Variants in RANBP2 observed in about 807,000 individuals in gnomAD.
The protein encoded by RANBP2 is E3 SUMO-protein ligase RanBP2.
Under a neutral mutation model 303.6 loss-of-function variants are expected in RANBP2, and 57 were observed. The ratio of observed to expected loss-of-function variants is 0.19; its 90% confidence interval spans 0.15 to 0.23. RANBP2 has a LOEUF of 0.23. Ranked by LOEUF, RANBP2 falls within the 10% of genes least tolerant of loss-of-function variation. RANBP2 has a pLI of 1.00. For synonymous variants in RANBP2, 1,167 were observed against 1,301.5 expected (o/e 0.90, Z 2.23); for missense variants, 3,138 against 3,780.8 (o/e 0.83, Z 4.46).
At chr2:109,066,945 C>T in the RANBP2 span, among the ~76,000 whole-genome samples, 11 of 152,240 alleles carry the variant, frequency 7.2e-5, no homozygotes, top group East Asian at 1.9e-4. Context: ...CCTTTCAACA[C>T]GTTGATACTC....
the RANBP2 span, among the ~76,000 whole-genome samples, chr2:108,947,841 C>A: frequency 2.6e-5 from 4 of 152,220 alleles, no homozygotes; most frequent in South Asian, 2.1e-4. Flanking sequence ...ACTGTCTTGA[C>A]TATTAACATT....
the RANBP2 span, among the ~76,000 whole-genome samples, chr2:109,218,850 C>A: frequency 5.3e-5 from 8 of 152,216 alleles, no homozygotes; most frequent in African/African-American, 1.9e-4. Context: ...CACACACAAA[C>A]ACACAAACCC....
chr2:109,428,738 T>C, the RANBP2 span, among the ~76,000 whole-genome samples: 8 of 152,212 alleles, frequency 5.3e-5, no homozygotes, highest in African/African-American at 1.9e-4. Context: ...AGAGGTGATG[T>C]CTGAGCATGC....
the RANBP2 span, among the ~76,000 whole-genome samples, chr2:109,080,048 C>T: frequency 1.3e-5 from 2 of 152,288 alleles, no homozygotes; most frequent in African/African-American, 4.8e-5. Flanking sequence ...GCATCTCCTC[C>T]GATGATTGTG....
At chr2:108,825,396 C>CT in the RANBP2 span, among the ~76,000 whole-genome samples, 1 of 151,830 alleles carries the variant, frequency 6.6e-6, no homozygotes, top group Non-Finnish European at 1.5e-5. Context: ...CAACCATCGC[C>CT]TTAATCAGTT....
At chr2:109,064,477 A>AAAC in the RANBP2 span, among the ~76,000 whole-genome samples, 1 of 148,344 alleles carries the variant, frequency 6.7e-6, no homozygotes. Context: ...AAAAACAAAA[A>AAAC]CAAACTGGTA....
the RANBP2 span, among the ~76,000 whole-genome samples, chr2:108,908,616 G>A: frequency 6.6e-6 from 1 of 152,192 alleles, no homozygotes; most frequent in African/African-American, 2.4e-5. Flanking sequence ...GACCCACCAA[G>A]CCCAGGTTCA....
At chr2:109,518,373 T>A in the RANBP2 span, among the ~76,000 whole-genome samples, 4 of 152,156 alleles carry the variant, frequency 2.6e-5, no homozygotes, top group African/African-American at 4.8e-5. Context: ...ACTCTCATCA[T>A]GGTCATTTTA....
At chr2:109,147,858 T>C in the RANBP2 span, among the ~76,000 whole-genome samples, 4 of 152,266 alleles carry the variant, frequency 2.6e-5, no homozygotes, top group Non-Finnish European at 5.9e-5. Flanking sequence ...TGCATTTCCA[T>C]ATATACATAT....
chr2:109,302,511 G>A, the RANBP2 span, among the ~76,000 whole-genome samples: 4 of 152,244 alleles, frequency 2.6e-5, no homozygotes, highest in African/African-American at 9.6e-5. Flanking sequence ...TGCCTGCACC[G>A]AAGATGCTCC....
At chr2:109,362,668 G>A in the RANBP2 span, among the ~76,000 whole-genome samples, 2,539 of 152,138 alleles carry the variant, frequency 0.017, 34 homozygotes, top group Middle Eastern at 0.044. Context: ...TCTGATTCAG[G>A]GGTGTTAAAG....
chr2:108,792,619 G>C, the RANBP2 span, among the ~76,000 whole-genome samples: 1 of 152,194 alleles, frequency 6.6e-6, no homozygotes, highest in Non-Finnish European at 1.5e-5. Flanking sequence ...GGCATTTGCT[G>C]AACTGAGTGA....
chr2:109,251,365 A>G, the RANBP2 span: 3 of 624,014 alleles, frequency 4.8e-6, no homozygotes, highest in South Asian at 1.5e-5. Context: ...CCGCGGGAGC[A>G]TGAGGGAGTC....
chr2:108,899,977 C>G, the RANBP2 span, among the ~76,000 whole-genome samples: 1 of 152,004 alleles, frequency 6.6e-6, no homozygotes, highest in Admixed American at 6.5e-5. Context: ...CAGAGTAAAA[C>G]TCCATGTCAA....
the RANBP2 span, among the ~76,000 whole-genome samples, chr2:109,222,236 G>T: frequency 6.6e-6 from 1 of 152,162 alleles, no homozygotes; most frequent in African/African-American, 2.4e-5. Context: ...TTGGTTAAGG[G>T]TATAAACATA....
At chr2:109,449,576 C>A in the RANBP2 span, 1 of 1,477,972 alleles carries the variant, frequency 6.8e-7, no homozygotes, top group Non-Finnish European at 9.1e-7. Flanking sequence ...GGCATTTGTG[C>A]AATTGAAGCT....
chr2:109,535,683 G>C, the RANBP2 span, among the ~76,000 whole-genome samples: 1 of 152,192 alleles, frequency 6.6e-6, no homozygotes, highest in Non-Finnish European at 1.5e-5. Context: ...CTCAGCAAAG[G>C]CACAAGGGCA....
At chr2:109,571,710 T>C in the RANBP2 span, among the ~76,000 whole-genome samples, 1 of 152,162 alleles carries the variant, frequency 6.6e-6, no homozygotes, top group Admixed American at 6.5e-5. Flanking sequence ...CCTCAGGGTA[T>C]CGAAACCAAT....
At chr2:109,592,841 G>A in the RANBP2 span, among the ~76,000 whole-genome samples, 1 of 151,602 alleles carries the variant, frequency 6.6e-6, no homozygotes, top group East Asian at 1.9e-4. Flanking sequence ...TCAGAATATT[G>A]TGGATACTCA....
Sources: allele counts gnomAD v4.1 joint callset (sites outside exome capture counted in the v4.1 genomes callset), GRCh38; gene constraint gnomAD v4.1.1; transcripts MANE v1.5; gene names NCBI Gene and HGNC (gene_info 2026-07-23, HGNC 2026-07-21).